METTL9: variants seen among roughly 807,000 people sequenced by gnomAD.
METTL9 encodes the protein methyltransferase 9, His-X-His N1(pi)-histidine.
METTL9 carries 10 observed loss-of-function variants against 36.0 expected under a neutral mutation model. The ratio of observed to expected loss-of-function variants is 0.28; its 90% CI spans 0.17 to 0.47. The LOEUF (loss-of-function observed/expected upper bound fraction) is 0.47. Among genes scored for constraint, METTL9 ranks in the 20% least tolerant of loss-of-function variants. METTL9 has a pLI of 0.99. For missense variants in METTL9, 246 were observed against 383.5 expected, an observed-to-expected ratio of 0.64 and a Z score of 3.00; for synonymous variants, 175 against 149.7, an observed-to-expected ratio of 1.17 and a Z score of -1.23.
chr16:21,624,291 C>G (rs879453740), intron 3 of METTL9, among the ~76,000 whole-genome samples: 6 of 152,098 alleles, frequency 3.9e-5, no homozygotes, highest in Non-Finnish European at 8.8e-5. Context: ...GACTCTTGTT[C>G]ATTAACTGAT....
Position 21,605,174 on chromosome 16 carries a change from G to C in METTL9, c.165+5276G>C, listed in dbSNP as rs762437584. 5.3e-4 allele frequency among the ~76,000 whole-genome samples: 78 copies of C among 147,618 alleles called. 1 individual carries two copies. Among genetic ancestry groups the C allele is most frequent in the Non-Finnish European group, 1.0e-3 (68 of 67,208 alleles). ...GCTTTGCACCCAGCTTTGGTTTCAA[G>C]GCAACACATTTTCTGCTGCTTTATG... On this transcript the variant is annotated intron_variant, in intron 1 of 4. Coordinates refer to ENST00000358154, the MANE Select transcript of METTL9 (RefSeq NM_016025.5).
intron 4 of METTL9, chr16:21,627,460 G>A (rs1965841056): frequency 1.2e-6 from 1 of 807,222 alleles, no homozygotes; most frequent in Non-Finnish European, 1.5e-6. Flanking sequence ...GTTTTGGCTA[G>A]GGGTTATTGA....
chr16:21,642,967 G>A (rs1340663965), intron 4 of METTL9: 2 of 685,302 alleles, frequency 2.9e-6, no homozygotes, highest in Non-Finnish European at 5.1e-6. Flanking sequence ...TTCTCTTTCA[G>A]ACTCTTCTGA....
Position 21,647,177 on chromosome 16 carries a change from G to A in METTL9, c.752-8050G>A, listed in dbSNP as rs147257312. On this transcript the variant is annotated intron_variant, in intron 4 of 4. Coordinates refer to ENST00000358154, the MANE Select transcript of METTL9 (RefSeq NM_016025.5). ...CCCTCCTCCTGTCTGTTTAGCTCTC[G>A]CTTCCGGCACACTGGGGAATGCTAT... 2.8e-3 allele frequency: 4,541 copies of A among 1,614,090 alleles called. 15 individuals carry two copies. The highest frequency in any genetic ancestry group is 3.6e-3 in the Non-Finnish European group (4,249 of 1,180,012).
intron 4 of METTL9, among the ~76,000 whole-genome samples, chr16:21,635,608 A>G (rs1966072238): frequency 6.6e-6 from 1 of 152,074 alleles, no homozygotes; most frequent in African/African-American, 2.4e-5. Context: ...TCAGGTGGCC[A>G]TTTTTCCCCA....
At chr16:21,643,127 C>A in intron 4 of METTL9, 1 of 1,608,898 alleles carries the variant, frequency 6.2e-7, no homozygotes, top group Non-Finnish European at 8.5e-7. Context: ...TGAGCAATTT[C>A]CTGAAAAATA....
intron 4 of METTL9, chr16:21,647,544 G>C: frequency 6.5e-7 from 1 of 1,550,262 alleles, no homozygotes; most frequent in Non-Finnish European, 8.7e-7. Context: ...CTCACTTTGT[G>C]CTTTTATTAT....
intron 4 of METTL9, chr16:21,647,532 A>C: frequency 1.3e-6 from 2 of 1,568,008 alleles, no homozygotes; most frequent in East Asian, 4.5e-5. Flanking sequence ...TGGGCCTGCC[A>C]CCTCACTTTG....
intron 2 of METTL9, among the ~76,000 whole-genome samples, chr16:21,615,519 A>G (rs1965534808): frequency 1.3e-5 from 2 of 152,128 alleles, no homozygotes; most frequent in Admixed American, 6.5e-5. Context: ...GTGAGCCACC[A>G]TGCCCAGCCT....
At chr16:21,638,725 T>C (rs1966171322) in intron 4 of METTL9, among the ~76,000 whole-genome samples, 1 of 152,126 alleles carries the variant, frequency 6.6e-6, no homozygotes, top group Admixed American at 6.6e-5. Flanking sequence ...GAAGGTTTCA[T>C]GTTGAGGTGA....
chr16:21,655,110 A>C, intron 4 of METTL9, 117 bp from the exon 5 acceptor site: 4 of 838,222 alleles, frequency 4.8e-6, no homozygotes, highest in Non-Finnish European at 7.5e-6. Context: ...GAGGTAACTC[A>C]TGAAGCCCTC....
upstream of METTL9, chr16:21,597,361 G>A (rs1964970636): frequency 9.0e-7 from 1 of 1,104,998 alleles, no homozygotes; most frequent in Non-Finnish European, 1.2e-6. Flanking sequence ...GGATGCTCTG[G>A]TTTCTTCCTG....
At chr16:21,626,458 A>G (rs1372376651) in intron 4 of METTL9, among the ~76,000 whole-genome samples, 2 of 152,130 alleles carry the variant, frequency 1.3e-5, no homozygotes, top group Non-Finnish European at 2.9e-5. Context: ...CTTCAGATTT[A>G]ATGCTTGTCT....
chr16:21,647,341 G>T (rs1434156255), intron 4 of METTL9: 3 of 1,614,038 alleles, frequency 1.9e-6, no homozygotes, highest in African/African-American at 1.3e-5. Flanking sequence ...TCTCAGGCTG[G>T]TGAGCACCGT....
chr16:21,624,648 A>G (rs1458621793), intron 3 of METTL9, among the ~76,000 whole-genome samples: 1 of 151,836 alleles, frequency 6.6e-6, no homozygotes, highest in Non-Finnish European at 1.5e-5. Flanking sequence ...AATCACTTGA[A>G]CCTGGGAGGC....
chr16:21,637,063 A>T (rs1966117542), intron 4 of METTL9, among the ~76,000 whole-genome samples: 1 of 152,162 alleles, frequency 6.6e-6, no homozygotes, highest in African/African-American at 2.4e-5. Flanking sequence ...AGTGAGCAGC[A>T]GCAAGATTTA....
intron 4 of METTL9, among the ~76,000 whole-genome samples, chr16:21,651,361 C>A (rs1045611237): frequency 6.6e-6 from 1 of 152,178 alleles, no homozygotes. Context: ...GTGGCACAAT[C>A]ACAGCTCCCT....
At chr16:21,620,997 GTC>G (rs1164929008) in intron 3 of METTL9, among the ~76,000 whole-genome samples, 1 of 151,916 alleles carries the variant, frequency 6.6e-6, no homozygotes, top group African/African-American at 2.4e-5. Context: ...TTAGAGACGG[GTC>G]TCTCTCTGTC....
intron 4 of METTL9, chr16:21,640,781 AAG>A (rs1966241092): frequency 6.6e-6 from 1 of 150,592 alleles, no homozygotes; most frequent in African/African-American, 2.4e-5. Context: ...AAAAAAAAAA[AAG>A]AAAAGAAAAA....
Sources: gnomAD v4.1 joint callset for allele counts (sites outside exome capture counted in the v4.1 genomes callset) on GRCh38, gnomAD v4.1.1 for gene constraint, MANE v1.5 for transcripts, NCBI Gene and HGNC (gene_info 2026-07-23, HGNC 2026-07-21) for gene names.